Variants in FBXW12 observed in about 807,000 individuals in gnomAD.
FBXW12 encodes F-box and WD repeat domain containing 12.
A neutral mutation model predicts 55.3 loss-of-function variants in FBXW12; 43 were observed. That is an observed-to-expected ratio of 0.78 (90% CI 0.61 to 1.00). FBXW12 has a LOEUF of 1.00. FBXW12 is among the 50% of genes least tolerant of loss of function. The pLI is 0.00. For missense variants in FBXW12, 524 were observed against 560.5 expected (o/e 0.93, Z 0.66); for synonymous variants, 184 against 203.8 (o/e 0.90, Z 0.83).
In FBXW12 at chr3:48,381,993, G is replaced by A. The variant is rs1223373398; in HGVS notation, c.1203G>A (p.Val401=). ...CYVLTTSENS[V]HVYMWEEGGR... is the part of the protein sequence containing the mutation. ...TGCTCACCACATCCGAGAACTCTGT[G>A]CACGTGTACATGTGGGAAGAAGGAG... Residue 401 remains valine, a synonymous_variant, in exon 10 of 11, where the codon GTG becomes GTA. Coordinates refer to ENST00000296438, the MANE Select transcript of FBXW12 (RefSeq NM_207102.2). The A allele has an allele frequency of 1.9e-6, 3 of 1,614,044 alleles. No individual in the cohort carries two copies. In the African/African-American group the frequency reaches 4.0e-5, roughly 22 times the overall value.
intron 5 of FBXW12, among the ~76,000 whole-genome samples, chr3:48,377,182 A>G (rs2036697005): frequency 6.6e-6 from 1 of 152,216 alleles, no homozygotes. Context: ...ACAGCTGCCA[A>G]TCTCTGAGAT....
At chr3:48,378,285 TG>T in intron 5 of FBXW12, 31 bp from the exon 6 acceptor site, 1 of 1,554,214 alleles carries the variant, frequency 6.4e-7, no homozygotes, top group African/African-American at 1.4e-5. Flanking sequence ...AAGGGTTCCT[TG>T]AACACAGGTC....
chr3:48,381,761 C>G lies in FBXW12; in HGVS notation c.1047C>G (p.Ala349=). 1 of 1,610,766 alleles carries G rather than the reference C, an allele frequency of 6.2e-7. No homozygotes were observed. The highest frequency in any genetic ancestry group is 1.1e-5 in the South Asian group (1 of 90,718). The part of the protein sequence containing the change: ...AHLKCPIWMG[A]SDGYMIVFTS... ...TGAAGTGCCCTATCTGGATGGGAGC[C>G]AGTGATGGATATATGATTGTCTTTA... The change falls in exon 9 of 11, where the codon GCC becomes GCG. Residue 349 remains alanine (A), a synonymous_variant. Coordinates refer to ENST00000296438, the MANE Select transcript of FBXW12 (RefSeq NM_207102.2).
chr3:48,382,336 C>T (rs535998888), intron 10 of FBXW12, among the ~76,000 whole-genome samples: 4 of 152,216 alleles, frequency 2.6e-5, no homozygotes, highest in African/African-American at 7.2e-5. Flanking sequence ...AGGATGGTCT[C>T]GATCTCCTGG....
At chr3:48,392,248 C>T (rs1444426652) in intron 10 of FBXW12, among the ~76,000 whole-genome samples, 4 of 151,976 alleles carry the variant, frequency 2.6e-5, no homozygotes, top group African/African-American at 4.8e-5. Flanking sequence ...GTCAGGAGAT[C>T]GAAACCATCC....
At position 48,378,382 on chromosome 3, in the gene FBXW12, G is replaced by T. The variant is rs763004128; in HGVS notation, c.471G>T (p.Gln157His). 2 of 1,614,066 alleles carry T rather than the reference G, an allele frequency of 1.2e-6. No individual in the cohort carries two copies. Among genetic ancestry groups the T allele is most frequent in the Admixed American group, 3.3e-5 (2 of 60,008 alleles). The change falls in exon 6 of 11, where the codon CAG becomes CAT. Residue 157 changes from glutamine to histidine, a missense_variant. Coordinates refer to ENST00000296438, the MANE Select transcript of FBXW12 (RefSeq NM_207102.2). ...TCTCAAATCTGGTAACCCTCCCTCA[G>T]ATGCATCTCGCCATCACTATGGATC... ...FHFSNLVTLP[Q>H]MHLAITMDRK...
At chr3:48,388,703 T>C (rs1455004026) in intron 10 of FBXW12, among the ~76,000 whole-genome samples, 6 of 152,366 alleles carry the variant, frequency 3.9e-5, no homozygotes, top group Non-Finnish European at 5.9e-5. Context: ...TTATCCATTA[T>C]GCTAATCTGT....
Position 48,373,214 on chromosome 3 carries a change from C to T in FBXW12, c.91-94C>T, listed in dbSNP as rs185747241. 3.5e-4 allele frequency: 561 copies of T among 1,582,242 alleles called. 3 individuals carry two copies. The African/African-American group carries it at 6.2e-3, about 17-fold the overall frequency. On this transcript the variant is annotated intron_variant, in intron 2 of 10. Transcript: ENST00000296438. ...TGGAATCCCATCTGATTAACCTGTG[C>T]GGGCCCAGCTCCCAGAACAAATAAT...
chr3:48,373,777 G>A, intron 4 of FBXW12, 72 bp downstream of exon 4: 1 of 1,375,124 alleles, frequency 7.3e-7, no homozygotes, highest in Non-Finnish European at 1.0e-6. Flanking sequence ...GATTTTTGCT[G>A]TGTGCAGTTG....
chr3:48,391,143 G>GCA (rs1379678122), intron 10 of FBXW12, among the ~76,000 whole-genome samples: 3 of 148,052 alleles, frequency 2.0e-5, no homozygotes, highest in Non-Finnish European at 4.5e-5. Context: ...AAATAGCCAG[G>GCA]CATGGTGGTG....
chr3:48,373,450 A>G, intron 3 of FBXW12, 98 bp from the exon 4 acceptor site: 1 of 1,606,434 alleles, frequency 6.2e-7, no homozygotes, highest in East Asian at 2.2e-5. Flanking sequence ...AGATATACAC[A>G]GGAAAGTTAG....
chr3:48,379,864 C>T (rs2036741153), intron 7 of FBXW12: 1 of 294,452 alleles, frequency 3.4e-6, no homozygotes, highest in East Asian at 8.2e-5. Flanking sequence ...CCTATAGTCC[C>T]ACTTACTCAG....
intron 10 of FBXW12, among the ~76,000 whole-genome samples, chr3:48,392,227 C>T (rs1406181697): frequency 1.3e-5 from 2 of 152,024 alleles, no homozygotes; most frequent in African/African-American, 4.8e-5. Context: ...CCAAGGCAGG[C>T]GGATCACGAG....
chr3:48,372,706 T>C lies in FBXW12; in HGVS notation c.-62T>C. The C allele has an allele frequency of 6.2e-7, 1 of 1,613,468 alleles. No homozygotes were observed. The highest frequency in any genetic ancestry group is 8.5e-7 in the Non-Finnish European group (1 of 1,179,444). ...AAGTGCTGCAGACTTTGGCAAAGCC[T>C]ATAAATTCAGAGCAGCCCGGAGAGG... On this transcript the variant is annotated 5_prime_UTR_variant, in exon 2 of 11. Transcript: ENST00000296438.
chr3:48,391,524 A>G (rs898668082), intron 10 of FBXW12, among the ~76,000 whole-genome samples: 13 of 152,036 alleles, frequency 8.6e-5, no homozygotes, highest in Non-Finnish European at 1.5e-4. Flanking sequence ...AGTCACTACT[A>G]TGTTTACTAG....
At chr3:48,391,683 G>T (rs1199624324) in intron 10 of FBXW12, among the ~76,000 whole-genome samples, 1 of 152,074 alleles carries the variant, frequency 6.6e-6, no homozygotes, top group Admixed American at 6.5e-5. Flanking sequence ...TTTCTTGAGG[G>T]TTTTTGTCAC....
Position 48,372,725 on chromosome 3 carries a change from G to A in FBXW12, c.-43G>A, listed in dbSNP as rs9815103. 703,776 of 1,613,732 alleles carry A rather than the reference G, an allele frequency of 0.44. 156,201 individuals are homozygous for A. Among genetic ancestry groups the A allele is most frequent in the Non-Finnish European group, 0.46 (546,381 of 1,179,756 alleles). ...AAAGCCTATAAATTCAGAGCAGCCC[G>A]GAGAGGAGAAAGGAAAGTGGATGTG... On this transcript the variant is annotated 5_prime_UTR_variant, in exon 2 of 11. Coordinates refer to ENST00000296438, the MANE Select transcript of FBXW12 (RefSeq NM_207102.2).
chr3:48,380,431 A>G (rs1279307194), intron 7 of FBXW12, among the ~76,000 whole-genome samples: 1 of 152,138 alleles, frequency 6.6e-6, no homozygotes. Context: ...GCCAACCTCA[A>G]CTTGACCAAG....
At chr3:48,390,173 T>C (rs1460375253) in intron 10 of FBXW12, among the ~76,000 whole-genome samples, 1 of 152,146 alleles carries the variant, frequency 6.6e-6, no homozygotes. Flanking sequence ...TTCTTTTTCC[T>C]CCAGATTGCT....
Sources: allele counts gnomAD v4.1 joint callset (sites outside exome capture counted in the v4.1 genomes callset), GRCh38; gene constraint gnomAD v4.1.1; transcripts MANE v1.5; gene names NCBI Gene and HGNC (gene_info 2026-07-23, HGNC 2026-07-21).